DLG2: variants seen among roughly 807,000 people sequenced by gnomAD.
The protein encoded by DLG2 is discs large MAGUK scaffold protein 2.
In DLG2, 45 loss-of-function variants were observed where a neutral mutation model predicts 132.5. That is an observed-to-expected ratio of 0.34 (90% CI 0.27 to 0.44). The LOEUF is 0.44. Ranked by LOEUF, DLG2 falls within the 20% of genes least tolerant of loss-of-function variation. DLG2 has a pLI of 1.00. For missense variants in DLG2, 1,045 were observed against 1,196.9 expected (o/e 0.87, Z 1.87); for synonymous variants, 424 against 419.6 (o/e 1.01, Z -0.13).
At chr11:84,049,493 C>T (rs2096311455) in intron 11 of DLG2, among the ~76,000 whole-genome samples, 1 of 151,770 alleles carries the variant, frequency 6.6e-6, no homozygotes, top group Non-Finnish European at 1.5e-5. Context: ...CATTCCTTTT[C>T]CCCTTGCCAC....
chr11:84,931,730 C>T (rs1471320366), intron 6 of DLG2, among the ~76,000 whole-genome samples: 3 of 152,186 alleles, frequency 2.0e-5, no homozygotes, highest in Non-Finnish European at 4.4e-5. Flanking sequence ...CTTTACTCTC[C>T]TAGCAATAGT....
intron 18 of DLG2, among the ~76,000 whole-genome samples, chr11:83,738,913 T>C (rs2092259175): frequency 6.6e-6 from 1 of 152,176 alleles, no homozygotes; most frequent in Non-Finnish European, 1.5e-5. Flanking sequence ...TCAACATCTT[T>C]TAAATGTTGC....
intron 4 of DLG2, among the ~76,000 whole-genome samples, chr11:85,233,121 G>A (rs1196838407): frequency 6.6e-6 from 1 of 151,786 alleles, no homozygotes; most frequent in African/African-American, 2.4e-5. Context: ...CTTATAAGGA[G>A]AAAAGGCTTT....
At chr11:84,965,391 C>T (rs1414330270) in intron 6 of DLG2, among the ~76,000 whole-genome samples, 2 of 151,958 alleles carry the variant, frequency 1.3e-5, no homozygotes, top group African/African-American at 4.8e-5. Flanking sequence ...GAAGTAAGGA[C>T]ACAATATCCT....
chr11:83,750,301 C>T (rs535237029), intron 18 of DLG2, among the ~76,000 whole-genome samples: 3 of 152,248 alleles, frequency 2.0e-5, no homozygotes, highest in African/African-American at 4.8e-5. Flanking sequence ...GGCTAATGAC[C>T]ACGTATAATA....
At chr11:84,452,213 C>T (rs1437183025) in intron 7 of DLG2, among the ~76,000 whole-genome samples, 1 of 151,432 alleles carries the variant, frequency 6.6e-6, no homozygotes, top group Admixed American at 6.6e-5. Flanking sequence ...AAGACTAGGG[C>T]TACCATTTGA....
intron 3 of DLG2, among the ~76,000 whole-genome samples, chr11:85,519,024 T>C (rs549188095): frequency 6.6e-6 from 1 of 152,182 alleles, no homozygotes; most frequent in East Asian, 1.9e-4. Flanking sequence ...TGGAAAGACA[T>C]ATGGAAACAC....
chr11:84,953,660 G>A (rs6592223), intron 6 of DLG2, among the ~76,000 whole-genome samples: 49,245 of 151,912 alleles, frequency 0.32, 9,841 homozygotes, highest in East Asian at 0.61. Flanking sequence ...TTTAGCACCC[G>A]GCATATGGTA....
intron 3 of DLG2, among the ~76,000 whole-genome samples, chr11:85,506,528 T>C (rs943280694): frequency 1.3e-5 from 2 of 150,540 alleles, no homozygotes; most frequent in Non-Finnish European, 3.0e-5. Flanking sequence ...GTGTGATTTT[T>C]GAGTAAGTTT....
chr11:85,254,955 C>T (rs889658234), intron 4 of DLG2, among the ~76,000 whole-genome samples: 7 of 150,072 alleles, frequency 4.7e-5, no homozygotes, highest in African/African-American at 9.8e-5. Context: ...GCCAAGATCA[C>T]GCCACTGCAC....
chr11:85,121,115 A>C (rs1036914398), intron 5 of DLG2, among the ~76,000 whole-genome samples: 2 of 151,984 alleles, frequency 1.3e-5, no homozygotes, highest in East Asian at 1.9e-4. Context: ...ATACTGATAC[A>C]CTTTGTTCTC....
intron 18 of DLG2, among the ~76,000 whole-genome samples, chr11:83,733,119 T>C (rs530541082): frequency 6.6e-6 from 1 of 151,164 alleles, no homozygotes; most frequent in Admixed American, 6.6e-5. Flanking sequence ...TGGGTGCTCG[T>C]AATCCCAGCT....
At chr11:85,430,549 G>A (rs1033397229) in intron 3 of DLG2, among the ~76,000 whole-genome samples, 4 of 152,012 alleles carry the variant, frequency 2.6e-5, no homozygotes, top group African/African-American at 9.7e-5. Flanking sequence ...ACAAAATGGA[G>A]ATATTAATGA....
chr11:84,077,658 T>G (rs2096847478), intron 10 of DLG2, among the ~76,000 whole-genome samples: 1 of 152,214 alleles, frequency 6.6e-6, no homozygotes, highest in Non-Finnish European at 1.5e-5. Context: ...TTGTAAAATT[T>G]TATTTTTTTC....
chr11:85,352,396 G>A (rs949282131), intron 3 of DLG2, among the ~76,000 whole-genome samples: 10 of 152,062 alleles, frequency 6.6e-5, no homozygotes, highest in African/African-American at 2.4e-4. Context: ...GGGTTTTTGT[G>A]TCTCTATCTC....
chr11:83,710,725 G>A (rs1204405897), intron 18 of DLG2, among the ~76,000 whole-genome samples: 1 of 152,106 alleles, frequency 6.6e-6, no homozygotes, highest in Non-Finnish European at 1.5e-5. Context: ...TTAGGGTTTA[G>A]TCTTGTAAAT....
intron 3 of DLG2, among the ~76,000 whole-genome samples, chr11:85,549,791 A>G (rs1476663288): frequency 6.6e-6 from 1 of 152,204 alleles, no homozygotes; most frequent in East Asian, 1.9e-4. Context: ...ATTATACACT[A>G]ATTATAATGC....
chr11:85,383,543 G>A (rs1185616079), intron 3 of DLG2, among the ~76,000 whole-genome samples: 1 of 152,146 alleles, frequency 6.6e-6, no homozygotes, highest in Non-Finnish European at 1.5e-5. Context: ...CCTAAAAGGA[G>A]TTCTACATCA....
chr11:84,986,264 C>T (rs768315148), intron 6 of DLG2, among the ~76,000 whole-genome samples: 1 of 151,938 alleles, frequency 6.6e-6, no homozygotes, highest in Non-Finnish European at 1.5e-5. Context: ...GAACTAGATA[C>T]CCTGAACAGA....
Sources: allele counts gnomAD v4.1 joint callset (sites outside exome capture counted in the v4.1 genomes callset), GRCh38; gene constraint gnomAD v4.1.1; transcripts MANE v1.5; gene names NCBI Gene and HGNC (gene_info 2026-07-23, HGNC 2026-07-21).